ENGASE: variants seen among roughly 807,000 people sequenced by gnomAD.
The protein encoded by ENGASE is endo-beta-N-acetylglucosaminidase, also known as cytosolic endo-beta-N-acetylglucosaminidase.
Under a neutral mutation model 78.5 loss-of-function variants are expected in ENGASE, and 69 were observed. That is an observed-to-expected ratio of 0.88 (90% CI 0.72 to 1.07). The LOEUF is 1.07. ENGASE is among the 50% of genes least tolerant of loss of function. The pLI is 0.00. For synonymous variants in ENGASE, 408 were observed against 408.9 expected, an observed-to-expected ratio of 1.00 and a Z score of 0.03; for missense variants, 943 against 988.4, an observed-to-expected ratio of 0.95 and a Z score of 0.62.
chr17:79,077,835 T>C lies in ENGASE; in HGVS notation c.387T>C (p.His129=). The C allele has an allele frequency of 6.2e-7, 1 of 1,613,774 alleles. No homozygotes were observed. Among genetic ancestry groups the C allele is most frequent in the Middle Eastern group, 1.7e-4 (1 of 6,036 alleles). ...SSQRPRTLLC[H]DMMGGYLDDR... The stretch of plus-strand genomic sequence containing the variant: ...AGAGGCCCCGGACTTTGTTGTGTCA[T>C]GACATGATGGGCGGGTACCTGGATG... The change falls in exon 3 of 14, where the codon CAT becomes CAC. Residue 129 remains histidine, a synonymous_variant. Transcript: ENST00000579016.
At chr17:79,079,341 T>G in intron 3 of ENGASE, 148 bp from the exon 4 acceptor site, 3 of 841,974 alleles carry the variant, frequency 3.6e-6, no homozygotes, top group Non-Finnish European at 5.4e-6. Context: ...TTTTTCCAGT[T>G]TTTGTGGGGA....
rs373132148 is a variant in ENGASE, at chr17:79,083,455, G to A, written c.1143-27G>A. The stretch of plus-strand genomic sequence containing the variant: ...GAGGCTCCCTCCCTTCCTCCGGACC[G>A]AGCTGTTGCCCCCATGTCTCTGGCA... On this transcript the variant is annotated intron_variant, in intron 8 of 13. Transcript: ENST00000579016. This position sits in a 1 kb window ranked among gnomAD's most constrained non-coding sequence, Gnocchi z 4.9. The A allele has an allele frequency of 9.5e-6, 15 of 1,575,434 alleles. No individual in the cohort carries two copies. The highest frequency in any genetic ancestry group is 9.5e-5 in the African/African-American group (7 of 73,822).
In ENGASE at chr17:79,084,467, C is replaced by T. The variant is rs558710664; in HGVS notation, c.1443-71C>T. On this transcript the variant is annotated intron_variant, in intron 10 of 13. Coordinates refer to ENST00000579016, the MANE Select transcript of ENGASE (RefSeq NM_001042573.3). ...GTTCCTGGAGGGAGGGGCTGGTGGA[C>T]GCGATTTGGAGCTGGCTTCGATTTC... is the stretch of plus-strand genomic sequence containing the variant. 103 of 1,431,418 alleles carry T rather than the reference C, an allele frequency of 7.2e-5. No individual in the cohort carries two copies. In the Admixed American group the frequency reaches 9.5e-4, roughly 13 times the overall value. 88.7% of individuals were successfully genotyped at this position (1,431,418 alleles called of 1,614,324 possible). A position where few individuals can be genotyped will look rare whatever the true frequency, so the allele number is the denominator to read the frequency against.
In ENGASE at chr17:79,088,585, A is replaced by T. The variant is rs1042336748; in HGVS notation, c.*2236A>T. 1.3e-5 allele frequency: 2 copies of T among 152,180 alleles called. No homozygotes were observed. The highest frequency in any genetic ancestry group is 4.8e-5 in the African/African-American group (2 of 41,422). 9.4% of individuals were successfully genotyped at this position (152,180 alleles called of 1,614,324 possible). A position where few individuals can be genotyped will look rare whatever the true frequency, so the allele number is the denominator to read the frequency against. Reference sequence around the variant, plus strand: ...GGGTGTAACTGCGCTGAAATAAATGATCTGACAATGTGAAGCGTGCAGTCG... The same window carrying T: ...GGGTGTAACTGCGCTGAAATAAATGTTCTGACAATGTGAAGCGTGCAGTCG... On this transcript the variant is annotated 3_prime_UTR_variant, in exon 14 of 14. Transcript: ENST00000579016.
rs1245244711 is a variant in ENGASE, at chr17:79,086,117, G to GTA, written c.2000_2001insTA (p.Gly668LysfsTer3). 17 of 1,613,756 alleles carry GTA rather than the reference G, an allele frequency of 1.1e-5. No individual in the cohort carries two copies. Among genetic ancestry groups the GTA allele is most frequent in the Non-Finnish European group, 1.4e-5 (16 of 1,180,046 alleles). On this transcript the variant is annotated frameshift_variant, in exon 14 of 14. Coordinates refer to ENST00000579016, the MANE Select transcript of ENGASE (RefSeq NM_001042573.3). LOFTEE classifies it low-confidence loss of function (END_TRUNC). ...CGTTGCTTCCGAATCCACTGCTGGG[G>GTA]AGGGATGAGTGATGACTCTCCGGGC...
intron 12 of ENGASE, 122 bp from the exon 13 acceptor site, chr17:79,085,498 G>A: frequency 7.0e-7 from 1 of 1,436,500 alleles, no homozygotes; most frequent in South Asian, 1.3e-5. Flanking sequence ...CCTGCTGTCG[G>A]CCTGGGGTCC....
intron 12 of ENGASE, 87 bp from the exon 13 acceptor site, chr17:79,085,533 C>T (rs541307082): frequency 1.8e-4 from 277 of 1,563,064 alleles, no homozygotes; most frequent in Admixed American, 1.0e-3. Flanking sequence ...ATGCATCTCC[C>T]TTCTGCTGTG....
In ENGASE at chr17:79,080,476, C is replaced by G. The variant is rs112043102; in HGVS notation, c.723+112C>G. On this transcript the variant is annotated intron_variant, in intron 5 of 13. Coordinates refer to ENST00000579016, the MANE Select transcript of ENGASE (RefSeq NM_001042573.3). ...CCCACGCCTGGGCTGCAGGTTGCAG[C>G]AGTAAGAGCCACTTCTCGCCTCCCA... 867 of 1,273,158 alleles carry G rather than the reference C, an allele frequency of 6.8e-4. 4 individuals are homozygous for G. In the African/African-American group the frequency reaches 0.01, roughly 15 times the overall value. 78.9% of individuals were successfully genotyped at this position (1,273,158 alleles called of 1,614,324 possible). A position where few individuals can be genotyped will look rare whatever the true frequency, so the allele number is the denominator to read the frequency against.
At chr17:79,085,124 TG>T in intron 11 of ENGASE, 109 bp from the exon 12 acceptor site, 1 of 845,088 alleles carries the variant, frequency 1.2e-6, no homozygotes, top group Non-Finnish European at 2.0e-6. Flanking sequence ...CGCGAGCGTC[TG>T]GCCGAATCAG....
chr17:79,085,526 C>T, intron 12 of ENGASE, 94 bp from the exon 13 acceptor site: 1 of 1,532,016 alleles, frequency 6.5e-7, no homozygotes, highest in Admixed American at 1.9e-5. Context: ...CCCTGGGATG[C>T]ATCTCCCTTC....
chr17:79,082,039 C>G lies in ENGASE; in HGVS notation c.1014C>G (p.Val338=), dbSNP rs753098384. Residue 338 remains valine (V), a synonymous_variant, in exon 7 of 14, where the codon GTC becomes GTG. Transcript: ENST00000579016. ...ATGTGTTTGCTCGAGGGAACGTGGTCGGAGGCCGATTCGACACAGACAAGG... is the reference window on the plus strand; with the variant it reads ...ATGTGTTTGCTCGAGGGAACGTGGTGGGAGGCCGATTCGACACAGACAAGG... ...GVDVFARGNV[V]GGRFDTDKSL... 1.2e-6 allele frequency: 2 copies of G among 1,614,208 alleles called. No homozygotes were observed. Among genetic ancestry groups the G allele is most frequent in the South Asian group, 1.1e-5 (1 of 91,084 alleles).
At position 79,086,989 on chromosome 17, in the gene ENGASE, C is replaced by T. The variant is rs543231345; in HGVS notation, c.*640C>T. On this transcript the variant is annotated 3_prime_UTR_variant, in exon 14 of 14. Coordinates refer to ENST00000579016, the MANE Select transcript of ENGASE (RefSeq NM_001042573.3). ...GCCCCAGCTGCTCCGTGTTTCCTGG[C>T]GTTGGCAATTTACTGTGCTGCTGAG... 170 of 506,308 alleles carry T rather than the reference C, an allele frequency of 3.4e-4. 1 individual carries two copies. The highest frequency in any genetic ancestry group is 2.3e-3 in the South Asian group (160 of 68,810). 31.4% of individuals were successfully genotyped at this position (506,308 alleles called of 1,614,324 possible).
rs774103251 is a variant in ENGASE, at chr17:79,080,312, C to T, written c.671C>T (p.Thr224Ile). 1.2e-6 allele frequency: 2 copies of T among 1,613,978 alleles called. No individual in the cohort carries two copies. Among genetic ancestry groups the T allele is most frequent in the South Asian group, 1.1e-5 (1 of 91,072 alleles). ...QAVADRLVQI[T>I]QFFRFDGWLI... ...GTGGCTGACCGGCTGGTCCAGATCA[C>T]TCAGTTTTTTCGTTTTGATGGCTGG... Residue 224 changes from threonine (T) to isoleucine (I), a missense_variant, in exon 5 of 14, where the codon ACT (threonine) becomes ATT (isoleucine). Transcript: ENST00000579016.
At chr17:79,079,758 G>A (rs1018578286) in intron 4 of ENGASE, 121 bp downstream of exon 4, 4 of 1,343,730 alleles carry the variant, frequency 3.0e-6, no homozygotes, top group Middle Eastern at 2.4e-4. Context: ...CTCGCTGGGG[G>A]CCGCCTTGGT....
chr17:79,080,207 G>A lies in ENGASE; in HGVS notation c.566G>A (p.Gly189Glu). Reference protein sequence around the residue: ...TAHRHGVCVLGTFITEWNEGG... With the variant: ...TAHRHGVCVLETFITEWNEGG... ...CCTTGTTTCTCTCCTATCCTCACAGGGACTTTCATCACGGAGTGGAATGAA... is the reference window on the plus strand; with the variant it reads ...CCTTGTTTCTCTCCTATCCTCACAGAGACTTTCATCACGGAGTGGAATGAA... Residue 189 changes from glycine (G) to glutamate (E), a missense_variant and splice_region_variant, in exon 5 of 14, where the codon GGG (glycine) becomes GAG (glutamate). Gly to Glu is a moderately conservative substitution (Grantham distance 98, BLOSUM62 -2). Transcript: ENST00000579016. The A allele has an allele frequency of 6.3e-7, 1 of 1,593,944 alleles. No homozygotes were observed.
intron 6 of ENGASE, among the ~76,000 whole-genome samples, chr17:79,081,431 G>C (rs2145990126): frequency 6.6e-6 from 1 of 152,248 alleles, no homozygotes; most frequent in South Asian, 2.1e-4. Flanking sequence ...GAACCTGGGA[G>C]GCGGAGCTTG....
At position 79,074,853 on chromosome 17, in the gene ENGASE, C is replaced by T; in HGVS notation, c.-92C>T. The T allele has an allele frequency of 8.3e-7, 1 of 1,208,734 alleles. No individual in the cohort carries two copies. The allele number at this position is 1,208,734 out of a possible 1,614,324, so 74.9% of individuals were successfully genotyped here. A position where few individuals can be genotyped will look rare whatever the true frequency, so the allele number is the denominator to read the frequency against. On this transcript the variant is annotated 5_prime_UTR_variant, in exon 1 of 14. Transcript: ENST00000579016. Reference sequence around the variant, plus strand: ...GTCAGCTCGGAGTCCCGTCCCAGCGCGGCGTCAGCGCTGCGCACTTCCCAT... The same window carrying T: ...GTCAGCTCGGAGTCCCGTCCCAGCGTGGCGTCAGCGCTGCGCACTTCCCAT...
rs117726419 is a variant in ENGASE at position 79,076,239 on chromosome 17, C to T, written c.146+1149C>T. 1.2e-3 allele frequency among the ~76,000 whole-genome samples: 186 copies of T among 152,302 alleles called. No individual in the cohort carries two copies. In the East Asian group the frequency reaches 0.016, roughly 13 times the overall value. Reference sequence around the variant, plus strand: ...GTTGGTGCCATGGCCTCTAAATAGCCACTGCGGTGTCTTCTTACTGCTCCT... The same window carrying T: ...GTTGGTGCCATGGCCTCTAAATAGCTACTGCGGTGTCTTCTTACTGCTCCT... On this transcript the variant is annotated intron_variant, in intron 1 of 13. Coordinates refer to ENST00000579016, the MANE Select transcript of ENGASE (RefSeq NM_001042573.3).
rs866510377 is a variant in ENGASE at position 79,080,996 on chromosome 17, G to A, written c.795G>A (p.Gly265=). Residue 265 remains glycine, a synonymous_variant, in exon 6 of 14, where the codon GGG becomes GGA. Transcript: ENST00000579016. ...LTTQLHRQVP[G]GLVLWYDSVV... is the part of the protein sequence containing the mutation. ...CACAGCTGCACCGGCAGGTCCCAGG[G>A]GGCCTGGTGCTCTGGTATGACAGCG... The A allele has an allele frequency of 1.2e-6, 2 of 1,613,160 alleles. No homozygotes were observed. The highest frequency in any genetic ancestry group is 1.3e-5 in the African/African-American group (1 of 75,032).
Sources: allele counts gnomAD v4.1 joint callset (sites outside exome capture counted in the v4.1 genomes callset), GRCh38; gene constraint gnomAD v4.1.1; non-coding constraint Gnocchi (gnomAD v3.1); transcripts MANE v1.5; gene names NCBI Gene and HGNC (gene_info 2026-07-23, HGNC 2026-07-21).